VANGL2: variants seen among roughly 807,000 people sequenced by gnomAD.
The protein encoded by VANGL2 is vang-like protein 2.
A neutral mutation model predicts 50.2 loss-of-function variants in VANGL2; 14 were observed. The observed-to-expected ratio is 0.28, with a 90% CI of 0.18 to 0.44. VANGL2 has a LOEUF of 0.44. Among genes scored for constraint, VANGL2 ranks in the 20% least tolerant of loss-of-function variants. The pLI is 1.00. For synonymous variants in VANGL2, 295 were observed against 297.2 expected, an observed-to-expected ratio of 0.99 and a Z score of 0.08; for missense variants, 533 against 701.5, an observed-to-expected ratio of 0.76 and a Z score of 2.71.
chr1:160,418,972 A>C (rs1476507854), intron 3 of VANGL2, 30 bp from the exon 4 acceptor site: 1 of 1,588,360 alleles, frequency 6.3e-7, no homozygotes, highest in Non-Finnish European at 8.6e-7. Context: ...TTTCCTCCTT[A>C]TTGTGTGGCT....
chr1:160,408,467 G>C (rs1482152815), intron 1 of VANGL2, among the ~76,000 whole-genome samples: 1 of 152,154 alleles, frequency 6.6e-6, no homozygotes, highest in Non-Finnish European at 1.5e-5. Context: ...AGCCCAGTCT[G>C]TGGGCCCTTC....
intron 1 of VANGL2, among the ~76,000 whole-genome samples, chr1:160,407,907 T>G (rs550906420): frequency 6.6e-6 from 1 of 152,266 alleles, no homozygotes; most frequent in South Asian, 2.1e-4. Flanking sequence ...AAAAATTAAA[T>G]GGAGAATCCA....
chr1:160,412,293 A>T (rs906530392), intron 1 of VANGL2, among the ~76,000 whole-genome samples: 2 of 151,852 alleles, frequency 1.3e-5, no homozygotes, highest in African/African-American at 2.4e-5. Context: ...ACAGCCTGGG[A>T]TCTAGTGTGT....
chr1:160,421,292 A>T, intron 6 of VANGL2, 105 bp downstream of exon 6: 1 of 1,465,684 alleles, frequency 6.8e-7, no homozygotes, highest in Non-Finnish European at 9.3e-7. Flanking sequence ...CAATGATGAC[A>T]TGAGTTGGGG....
Position 160,425,130 on chromosome 1 carries a change from C to T in VANGL2, c.1318C>T (p.Arg440Ter), listed in dbSNP as rs764057132. Residue 440 changes from arginine (R) to a stop codon, truncating the protein, a stop_gained, in exon 8 of 8, where the codon CGA becomes TGA. Coordinates refer to ENST00000368061, the MANE Select transcript of VANGL2 (RefSeq NM_020335.3). LOFTEE classifies it high-confidence loss of function. ...HDMTPKAFLERYLAAGPTIQY... is the reference protein window; with the variant it reads ...HDMTPKAFLE Reference sequence around the variant, plus strand: ...CTTTCCACTTCAGGCCTTCTTGGAGCGATACTTGGCGGCTGGACCTACCAT... The same window carrying T: ...CTTTCCACTTCAGGCCTTCTTGGAGTGATACTTGGCGGCTGGACCTACCAT... 8 of 1,613,998 alleles carry T rather than the reference C, an allele frequency of 5.0e-6. No individual in the cohort carries two copies. The highest frequency in any genetic ancestry group is 1.3e-5 in the African/African-American group (1 of 74,978).
intron 1 of VANGL2, among the ~76,000 whole-genome samples, chr1:160,410,221 TC>T (rs1011580560): frequency 2.6e-5 from 4 of 152,104 alleles, no homozygotes; most frequent in African/African-American, 9.7e-5. Context: ...CCCATCGTCT[TC>T]CCGTCTGGCT....
intron 3 of VANGL2, among the ~76,000 whole-genome samples, chr1:160,417,281 A>T (rs1651095114): frequency 6.6e-6 from 1 of 152,166 alleles, no homozygotes; most frequent in African/African-American, 2.4e-5. Context: ...GGCTGCCTTC[A>T]TCCTGTAACC....
At chr1:160,422,567 G>A (rs1651311024) in intron 6 of VANGL2, among the ~76,000 whole-genome samples, 1 of 152,226 alleles carries the variant, frequency 6.6e-6, no homozygotes, top group Non-Finnish European at 1.5e-5. Context: ...AGGTTCCTGG[G>A]TTCTGCATAG....
intron 1 of VANGL2, among the ~76,000 whole-genome samples, chr1:160,409,824 G>C (rs1650811954): frequency 6.6e-6 from 1 of 152,186 alleles, no homozygotes; most frequent in African/African-American, 2.4e-5. Context: ...CTTAGTTCTT[G>C]CCACCTCCAT....
intron 1 of VANGL2, among the ~76,000 whole-genome samples, chr1:160,405,281 T>C (rs1484459995): frequency 1.3e-5 from 2 of 152,188 alleles, no homozygotes; most frequent in Non-Finnish European, 2.9e-5. Flanking sequence ...GGCCTGGGAC[T>C]AAGTCCTACT....
intron 6 of VANGL2, among the ~76,000 whole-genome samples, chr1:160,421,772 C>T (rs1391244664): frequency 6.6e-6 from 1 of 152,132 alleles, no homozygotes; most frequent in African/African-American, 2.4e-5. Flanking sequence ...TGAATTCTGC[C>T]TGCCACAGTG....
At position 160,425,156 on chromosome 1, in the gene VANGL2, C is replaced by T; in HGVS notation, c.1344C>T (p.Ile448=). 6.2e-7 allele frequency: 1 copy of T among 1,614,162 alleles called. No homozygotes were observed. The highest frequency in any genetic ancestry group is 8.5e-7 in the Non-Finnish European group (1 of 1,180,038). The change falls in exon 8 of 8, where the codon ATC becomes ATT. Residue 448 remains isoleucine, a synonymous_variant. Transcript: ENST00000368061. ...LERYLAAGPT[I]QYHKERWLAK... ...GATACTTGGCGGCTGGACCTACCATCCAGTACCACAAGGAACGCTGGCTGG... is the reference window on the plus strand; with the variant it reads ...GATACTTGGCGGCTGGACCTACCATTCAGTACCACAAGGAACGCTGGCTGG...
chr1:160,417,366 A>T (rs756667409), intron 3 of VANGL2, among the ~76,000 whole-genome samples: 94 of 152,294 alleles, frequency 6.2e-4, no homozygotes, highest in Non-Finnish European at 1.1e-3. Context: ...TGCTGAAGGC[A>T]GCTGGTGGTC....
At position 160,419,313 on chromosome 1, in the gene VANGL2, C is replaced by G; in HGVS notation, c.504C>G (p.Phe168Leu). 1 of 1,609,072 alleles carries G rather than the reference C, an allele frequency of 6.2e-7. No homozygotes were observed. Among genetic ancestry groups the G allele is most frequent in the Non-Finnish European group, 8.5e-7 (1 of 1,179,988 alleles). ...ILLLGSWALF[F>L]RRPKASLPRV... is the part of the protein sequence containing the mutation. The stretch of plus-strand genomic sequence containing the variant: ...TACTGGGCAGCTGGGCTCTGTTCTT[C>G]CGCCGGCCCAAGGCCTCGCTGCCCC... The change falls in exon 4 of 8, where the codon TTC (phenylalanine) becomes TTG (leucine). Residue 168 changes from phenylalanine (F) to leucine (L), a missense_variant. Transcript: ENST00000368061. The surrounding 1 kb of genome is among the most constrained non-coding windows in gnomAD (Gnocchi z 5.8).
chr1:160,415,554 A>G (rs983815064), intron 1 of VANGL2, 94 bp from the exon 2 acceptor site: 1 of 485,344 alleles, frequency 2.1e-6, no homozygotes, highest in Non-Finnish European at 3.8e-6. Flanking sequence ...GGCTCATTTG[A>G]GCCTCCTGTG....
At position 160,419,552 on chromosome 1, in the gene VANGL2, T is replaced by C; in HGVS notation, c.743T>C (p.Leu248Pro). 6.2e-7 allele frequency: 1 copy of C among 1,600,760 alleles called. No homozygotes were observed. Residue 248 changes from leucine (L) to proline (P), a missense_variant, in exon 4 of 8, where the codon CTC (leucine) becomes CCC (proline). Transcript: ENST00000368061. This position sits in a 1 kb window ranked among gnomAD's most constrained non-coding sequence, Gnocchi z 5.8. ...CGCCAGCTCCAGCCTCAGTTCACGC[T>C]CAAGGTCGTGCGCTCCACCGACGGC... ...ELRQLQPQFTLKVVRSTDGAS... is the reference protein window; with the variant it reads ...ELRQLQPQFTPKVVRSTDGAS...
rs369158229 is a variant in VANGL2 at position 160,416,058 on chromosome 1, G to A, written c.72-4G>A. 22 of 1,614,180 alleles carry A rather than the reference G, an allele frequency of 1.4e-5. No individual in the cohort carries two copies. Among genetic ancestry groups the A allele is most frequent in the Admixed American group, 6.7e-5 (4 of 60,032 alleles). Reference sequence around the variant, plus strand: ...TCTGTGCCTTTTCTGGCTTCCTGCCGCAGGGACCGCCGGGACCGACACCGC... The same window carrying A: ...TCTGTGCCTTTTCTGGCTTCCTGCCACAGGGACCGCCGGGACCGACACCGC... On this transcript the variant is annotated splice_region_variant and splice_polypyrimidine_tract_variant and intron_variant, in intron 2 of 7. Transcript: ENST00000368061.
intron 1 of VANGL2, among the ~76,000 whole-genome samples, chr1:160,402,374 A>T (rs1207247947): frequency 6.6e-6 from 1 of 152,132 alleles, no homozygotes; most frequent in Non-Finnish European, 1.5e-5. Context: ...TTGCTGCTTC[A>T]TAGCCTTCTA....
chr1:160,426,376 C>A lies in VANGL2; in HGVS notation c.*998C>A, dbSNP rs41266895. 11 of 152,784 alleles carry A rather than the reference C, an allele frequency of 7.2e-5. No individual in the cohort carries two copies. Among genetic ancestry groups the A allele is most frequent in the Non-Finnish European group, 1.3e-4 (9 of 68,124 alleles). 9.5% of individuals were successfully genotyped at this position (152,784 alleles called of 1,614,324 possible). On this transcript the variant is annotated 3_prime_UTR_variant, in exon 8 of 8. Coordinates refer to ENST00000368061, the MANE Select transcript of VANGL2 (RefSeq NM_020335.3). ...CCCCTGTCCTGCCGCCTTCTCTCGA[C>A]TCCAGAGACCTGTTGCCTCATCTCT...
Sources: gnomAD v4.1 joint callset for allele counts (sites outside exome capture counted in the v4.1 genomes callset) on GRCh38, gnomAD v4.1.1 for gene constraint, Gnocchi (gnomAD v3.1) non-coding constraint, MANE v1.5 for transcripts, NCBI Gene and HGNC (gene_info 2026-07-23, HGNC 2026-07-21) for gene names.